Variants in GANC observed in about 807,000 individuals in gnomAD.
GANC encodes the protein neutral alpha-glucosidase C.
A neutral mutation model predicts 124.2 loss-of-function variants in GANC; 117 were observed. The observed-to-expected ratio is 0.94, with a 90% CI of 0.81 to 1.10. The LOEUF (loss-of-function observed/expected upper bound fraction) is 1.10. GANC is among the 50% of genes least tolerant of loss of function. GANC has a pLI of 0.00. For synonymous variants in GANC, 377 were observed against 376.8 expected (o/e 1.00, Z -0.01); for missense variants, 1,140 against 1,095.0 (o/e 1.04, Z -0.58).
rs554161329 is a variant in GANC at position 42,291,076 on chromosome 15, C to T, written c.330-1659C>T. On this transcript the variant is annotated intron_variant, in intron 4 of 23. Coordinates refer to ENST00000318010, the MANE Select transcript of GANC (RefSeq NM_198141.3). ...CCAGACCCATCATCAGAGTCAGATC[C>T]CAACATGCCCAGAGAGCCAATTACA... Among the ~76,000 whole-genome samples, 41 of 152,108 alleles carry T rather than the reference C, an allele frequency of 2.7e-4. No homozygotes were observed. The South Asian group carries it at 7.9e-3, about 29-fold the overall frequency.
rs113685529 is a variant in GANC at position 42,321,890 on chromosome 15, A to G, written c.1163A>G (p.His388Arg). ...VKAVDAGFDE[H>R]DIPYDAMWLD... is the part of the protein sequence containing the mutation. ...GCAGTGGATGCAGGGTTTGATGAGC[A>G]TGACATTCCTTATGATGCCATGTGG... The change falls in exon 11 of 24, where the codon CAT becomes CGT. Residue 388 changes from histidine (H) to arginine (R), a missense_variant. His to Arg is a conservative substitution (Grantham distance 29, BLOSUM62 0). Transcript: ENST00000318010. The G allele has an allele frequency of 1.9e-6, 3 of 1,614,250 alleles. No homozygotes were observed. Among genetic ancestry groups the G allele is most frequent in the South Asian group, 2.2e-5 (2 of 91,088 alleles).
Position 42,339,902 on chromosome 15 carries a change from C to T in GANC, c.2077C>T (p.Pro693Ser). The T allele has an allele frequency of 6.2e-7, 1 of 1,613,656 alleles. No individual in the cohort carries two copies. Among genetic ancestry groups the T allele is most frequent in the South Asian group, 1.1e-5 (1 of 91,074 alleles). ...LFYHAHVASQ[P>S]VMRPLWVEFP... ...CTACCATGCACACGTGGCTTCCCAA[C>T]CTGTCATGAGGTAAAAAAGCTTCAT... The change falls in exon 17 of 24, where the codon CCT (proline) becomes TCT (serine). Residue 693 changes from proline to serine, a missense_variant. Coordinates refer to ENST00000318010, the MANE Select transcript of GANC (RefSeq NM_198141.3).
chr15:42,313,412 T>C (rs1347236738), intron 10 of GANC, among the ~76,000 whole-genome samples: 1 of 152,200 alleles, frequency 6.6e-6, no homozygotes, highest in African/African-American at 2.4e-5. Flanking sequence ...TTAAAAACTT[T>C]TGTGCATCAA....
At chr15:42,282,094 G>A (rs761278428) in intron 3 of GANC, among the ~76,000 whole-genome samples, 23 of 152,166 alleles carry the variant, frequency 1.5e-4, no homozygotes, top group Admixed American at 1.0e-3. Flanking sequence ...AGGCCGAGGC[G>A]GGCAGATCAC....
intron 22 of GANC, among the ~76,000 whole-genome samples, chr15:42,350,644 CCGGG>C: frequency 6.6e-6 from 1 of 150,994 alleles, no homozygotes; most frequent in African/African-American, 2.5e-5. Flanking sequence ...CCTCAGCCTC[CCGGG>C]TTCAAGCAAT....
At chr15:42,277,182 A>G (rs185456827) in intron 2 of GANC, among the ~76,000 whole-genome samples, 5 of 152,298 alleles carry the variant, frequency 3.3e-5, no homozygotes, top group South Asian at 4.1e-4. Context: ...TGTGTTAACT[A>G]TTACCAGATT....
At chr15:42,316,327 G>A (rs1369739484) in intron 10 of GANC, among the ~76,000 whole-genome samples, 3 of 152,146 alleles carry the variant, frequency 2.0e-5, no homozygotes, top group African/African-American at 7.2e-5. Context: ...AAGACGCGGA[G>A]ACTGGTAGTG....
chr15:42,348,467 G>A (rs139576346), intron 21 of GANC, among the ~76,000 whole-genome samples: 33 of 152,264 alleles, frequency 2.2e-4, no homozygotes, highest in African/African-American at 4.6e-4. Flanking sequence ...TCAACTTGAC[G>A]TTGATTACTA....
At chr15:42,292,698 T>C (rs1476768962) in intron 4 of GANC, 37 bp from the exon 5 acceptor site, 2 of 1,600,042 alleles carry the variant, frequency 1.2e-6, no homozygotes, top group African/African-American at 1.3e-5. Context: ...TGTAAACCTA[T>C]AGCAGCTTGT....
chr15:42,305,892 A>G (rs1475852758), intron 6 of GANC, among the ~76,000 whole-genome samples: 2 of 151,340 alleles, frequency 1.3e-5, no homozygotes, highest in African/African-American at 2.4e-5. Flanking sequence ...GAGTTGAACA[A>G]TGAGAACACA....
intron 1 of GANC, 128 bp downstream of exon 1, chr15:42,274,638 G>T: frequency 1.1e-6 from 1 of 909,492 alleles, no homozygotes; most frequent in Non-Finnish European, 1.6e-6. Flanking sequence ...CAATTCGCGG[G>T]AAGTTAGTTG....
chr15:42,352,442 G>T lies in GANC; in HGVS notation c.*303G>T. 1 of 1,107,796 alleles carries T rather than the reference G, an allele frequency of 9.0e-7. No homozygotes were observed. Among genetic ancestry groups the T allele is most frequent in the Middle Eastern group, 4.2e-4 (1 of 2,382 alleles). The allele number at this position is 1,107,796 out of a possible 1,614,324, so 68.6% of individuals were successfully genotyped here. On this transcript the variant is annotated 3_prime_UTR_variant, in exon 24 of 24. Transcript: ENST00000318010. ...GCTTCCATTCCTTCAGCAGGGCTGC[G>T]TGGGTCTGTTTTAACGTGGGCCAAG...
At chr15:42,279,299 C>G (rs182199757) in intron 3 of GANC, among the ~76,000 whole-genome samples, 5 of 152,302 alleles carry the variant, frequency 3.3e-5, no homozygotes, top group African/African-American at 1.2e-4. Context: ...CTTTCTAACA[C>G]TGTTACACAA....
At chr15:42,338,158 A>T (rs188785954) in intron 15 of GANC, among the ~76,000 whole-genome samples, 1 of 152,178 alleles carries the variant, frequency 6.6e-6, no homozygotes, top group African/African-American at 2.4e-5. Context: ...TACTTAAAAA[A>T]AAGTGCAATT....
At chr15:42,300,346 A>C (rs1239176007) in intron 6 of GANC, among the ~76,000 whole-genome samples, 1 of 152,208 alleles carries the variant, frequency 6.6e-6, no homozygotes, top group South Asian at 2.1e-4. Flanking sequence ...AACAAACATG[A>C]AAAAAAGCTC....
At chr15:42,299,833 C>T (rs148056200) in intron 6 of GANC, among the ~76,000 whole-genome samples, 21 of 152,174 alleles carry the variant, frequency 1.4e-4, no homozygotes, top group East Asian at 9.7e-4. Flanking sequence ...ATCTGATCTT[C>T]GAGAAACCTG....
At chr15:42,287,518 G>A (rs1188992726) in intron 3 of GANC, among the ~76,000 whole-genome samples, 173 bp from the exon 4 acceptor site, 1 of 152,028 alleles carries the variant, frequency 6.6e-6, no homozygotes, top group African/African-American at 2.4e-5. Context: ...TGTAGCTATA[G>A]TCAAGCAAGT....
intron 6 of GANC, among the ~76,000 whole-genome samples, chr15:42,303,670 G>GAAAAAAAAAAAAA (rs150074091): frequency 1.6e-5 from 2 of 128,574 alleles, no homozygotes; most frequent in African/African-American, 2.9e-5. Flanking sequence ...TATTTACCAA[G>GAAAAAAAAAAAAA]AAAAAAAAAA....
chr15:42,317,097 T>G (rs907514105), intron 10 of GANC, among the ~76,000 whole-genome samples: 8 of 152,218 alleles, frequency 5.3e-5, no homozygotes, highest in Non-Finnish European at 1.2e-4. Flanking sequence ...AGTTTGTGCC[T>G]TCAGTCTCTT....
Sources: gnomAD v4.1 joint callset for allele counts (sites outside exome capture counted in the v4.1 genomes callset) on GRCh38, gnomAD v4.1.1 for gene constraint, MANE v1.5 for transcripts, NCBI Gene and HGNC (gene_info 2026-07-23, HGNC 2026-07-21) for gene names.